Variants in MAK observed in about 807,000 individuals in gnomAD.
MAK encodes male germ cell associated kinase, also known as serine/threonine-protein kinase MAK.
In MAK, 65 loss-of-function variants were observed where a neutral mutation model predicts 82.6. The observed-to-expected ratio is 0.79, with a 90% confidence interval of 0.64 to 0.97. The LOEUF is 0.97. Ranked by LOEUF, MAK falls within the 50% of genes least tolerant of loss-of-function variation. The pLI, the probability that MAK is intolerant of heterozygous loss-of-function variation, is 0.00. For synonymous variants in MAK, 250 were observed against 274.2 expected, an observed-to-expected ratio of 0.91 and a Z score of 0.87; for missense variants, 703 against 780.2, an observed-to-expected ratio of 0.90 and a Z score of 1.18.
Position 10,800,874 on chromosome 6 carries a change from T to C in MAK, c.831+1018A>G, listed in dbSNP as rs962460161. Among the ~76,000 whole-genome samples the C allele has an allele frequency of 1.3e-5, 2 of 151,984 alleles. No individual in the cohort carries two copies. Among genetic ancestry groups the C allele is most frequent in the African/African-American group, 4.8e-5 (2 of 41,352 alleles). ...CAACAAAATGTAACCCTTCTGTGAGTTGTAAAGTATGGTGAGCAGTAAGGA... is the reference window on the plus strand; with the variant it reads ...CAACAAAATGTAACCCTTCTGTGAGCTGTAAAGTATGGTGAGCAGTAAGGA... On this transcript the variant is annotated intron_variant, in intron 8 of 14. Transcript: ENST00000354489. The surrounding 1 kb of genome is among the most constrained non-coding windows in gnomAD (Gnocchi z 4.2).
intron 13 of MAK, among the ~76,000 whole-genome samples, chr6:10,771,701 A>G (rs531614297): frequency 3.5e-4 from 54 of 152,348 alleles, no homozygotes; most frequent in African/African-American, 1.2e-3. Context: ...CAAATGTCAA[A>G]GCGCAATATT....
chr6:10,784,140 T>C (rs1774294915), intron 11 of MAK, among the ~76,000 whole-genome samples: 1 of 152,086 alleles, frequency 6.6e-6, no homozygotes, highest in Non-Finnish European at 1.5e-5. Context: ...TAATAAAATT[T>C]AGGATTTACT....
chr6:10,791,801 C>T lies in MAK; in HGVS notation c.1190G>A (p.Gly397Asp). ...ATCTCCAGACTTGAAGATAGTCTGA[C>T]CCCAACGCCTCCTACCACTTTTATG... ...LSHKSGRRRW[G>D]QTIFKSGDSW... The change falls in exon 10 of 15, where the codon GGT becomes GAT. Residue 397 changes from glycine (G) to aspartate (D), a missense_variant. Physicochemically the swap from Gly to Asp is moderately conservative, Grantham distance 94. Transcript: ENST00000354489. 1 of 1,614,102 alleles carries T rather than the reference C, an allele frequency of 6.2e-7. No homozygotes were observed. The highest frequency in any genetic ancestry group is 8.5e-7 in the Non-Finnish European group (1 of 1,180,010).
In MAK at chr6:10,775,322, C is replaced by CGTAAA; in HGVS notation, c.1597+5_1597+6insTTTAC. 1 of 1,612,384 alleles carries CGTAAA rather than the reference C, an allele frequency of 6.2e-7. No individual in the cohort carries two copies. The highest frequency in any genetic ancestry group is 8.5e-7 in the Non-Finnish European group (1 of 1,178,890). On this transcript the variant is annotated splice_donor_region_variant and intron_variant, in intron 12 of 14. Transcript: ENST00000354489. ...CGTACATGTACATTTTGTATTCTTGCGTTACCTGCATTGCTCCTTTTGAAA... is the reference window on the plus strand; with the variant it reads ...CGTACATGTACATTTTGTATTCTTGCGTAAAGTTACCTGCATTGCTCCTTTTGAAA...
intron 14 of MAK, among the ~76,000 whole-genome samples, chr6:10,769,499 C>T (rs1048866969): frequency 6.6e-6 from 1 of 152,296 alleles, no homozygotes. Context: ...TAAACCCTTC[C>T]CCCTGAATAC....
At position 10,763,958 on chromosome 6, in the gene MAK, C is replaced by G; in HGVS notation, c.*494G>C. 1 of 153,054 alleles carries G rather than the reference C, an allele frequency of 6.5e-6. No individual in the cohort carries two copies. The highest frequency in any genetic ancestry group is 1.5e-5 in the Non-Finnish European group (1 of 68,660). 9.5% of individuals were successfully genotyped at this position (153,054 alleles called of 1,614,324 possible). A position where few individuals can be genotyped will look rare whatever the true frequency, so the allele number is the denominator to read the frequency against. ...AATCTTTCTGTCATTGACAAAATGG[C>G]AGCGCAGAGCCTTAGTCAAATAAGA... is the stretch of plus-strand genomic sequence containing the variant. On this transcript the variant is annotated 3_prime_UTR_variant, in exon 15 of 15. Coordinates refer to ENST00000354489, the MANE Select transcript of MAK (RefSeq NM_001242957.3).
chr6:10,828,554 G>A (rs1778547455), intron 2 of MAK, among the ~76,000 whole-genome samples: 1 of 152,162 alleles, frequency 6.6e-6, no homozygotes, highest in African/African-American at 2.4e-5. Context: ...AGGTCTTTCA[G>A]GTAGGCCCAA....
chr6:10,802,236 T>C (rs1474734563), intron 7 of MAK, 177 bp from the exon 8 acceptor site: 1 of 574,558 alleles, frequency 1.7e-6, no homozygotes, highest in South Asian at 2.3e-5. Context: ...GCTACGACAG[T>C]ATAGAAAGAA....
At chr6:10,791,077 C>T (rs1490876193) in intron 10 of MAK, among the ~76,000 whole-genome samples, 1 of 152,192 alleles carries the variant, frequency 6.6e-6, no homozygotes, top group Non-Finnish European at 1.5e-5. Flanking sequence ...CCTGCAGAAC[C>T]ATGGGCCAAC....
intron 12 of MAK, among the ~76,000 whole-genome samples, chr6:10,774,598 G>T (rs1773309530): frequency 6.6e-6 from 1 of 151,996 alleles, no homozygotes; most frequent in South Asian, 2.1e-4. Context: ...TTCATATACT[G>T]ATCTCATAAA....
chr6:10,768,678 T>G (rs2127508702), intron 14 of MAK, among the ~76,000 whole-genome samples: 1 of 152,366 alleles, frequency 6.6e-6, no homozygotes, highest in Non-Finnish European at 1.5e-5. Context: ...ATATAAAATG[T>G]TTACTTATTT....
chr6:10,817,257 G>T (rs1777566978), intron 4 of MAK, among the ~76,000 whole-genome samples: 1 of 152,048 alleles, frequency 6.6e-6, no homozygotes, highest in Non-Finnish European at 1.5e-5. Context: ...CAAAATGGAT[G>T]TTAATCTCCC....
intron 1 of MAK, among the ~76,000 whole-genome samples, chr6:10,831,856 T>C (rs1403355270): frequency 1.3e-5 from 2 of 152,222 alleles, no homozygotes; most frequent in South Asian, 2.1e-4. Flanking sequence ...GTGTTTCTTA[T>C]GGATGAACAA....
At chr6:10,816,246 T>G (rs1332883154) in intron 4 of MAK, among the ~76,000 whole-genome samples, 9 of 151,602 alleles carry the variant, frequency 5.9e-5, no homozygotes, top group Non-Finnish European at 1.0e-4. Flanking sequence ...AATTTTTTAA[T>G]TTTTTTGTAG....
At chr6:10,796,805 CAAAAA>C (rs70991046) in intron 8 of MAK, among the ~76,000 whole-genome samples, 33 of 122,496 alleles carry the variant, frequency 2.7e-4, no homozygotes, top group African/African-American at 8.7e-4. Context: ...GACTCCACCT[CAAAAA>C]AAAAAAAAAA....
At chr6:10,803,197 G>C (rs1266453596) in intron 7 of MAK, among the ~76,000 whole-genome samples, 1 of 152,138 alleles carries the variant, frequency 6.6e-6, no homozygotes, top group Non-Finnish European at 1.5e-5. Flanking sequence ...TCTTCAGCTG[G>C]TGGGATTCTG....
At chr6:10,826,106 C>T (rs566788017) in intron 2 of MAK, among the ~76,000 whole-genome samples, 1 of 152,314 alleles carries the variant, frequency 6.6e-6, no homozygotes, top group African/African-American at 2.4e-5. Flanking sequence ...CACGTCCCTC[C>T]TCTGCCCCAC....
intron 2 of MAK, among the ~76,000 whole-genome samples, chr6:10,824,355 G>A (rs552724077): frequency 3.3e-5 from 5 of 152,222 alleles, no homozygotes; most frequent in South Asian, 2.1e-4. Flanking sequence ...CCTTTTCACC[G>A]TCGCTACCCT....
intron 14 of MAK, 161 bp downstream of exon 14, chr6:10,769,950 G>T: frequency 7.4e-7 from 1 of 1,346,850 alleles, no homozygotes; most frequent in Non-Finnish European, 1.0e-6. Flanking sequence ...CCTCATTTTT[G>T]GAAGAAAAAT....
Sources: allele counts gnomAD v4.1 joint callset (sites outside exome capture counted in the v4.1 genomes callset), GRCh38; gene constraint gnomAD v4.1.1; non-coding constraint Gnocchi (gnomAD v3.1); transcripts MANE v1.5; gene names NCBI Gene and HGNC (gene_info 2026-07-23, HGNC 2026-07-21).